IL1RAPL1: variants seen among roughly 807,000 people sequenced by gnomAD.
IL1RAPL1 encodes interleukin-1 receptor accessory protein-like 1.
In IL1RAPL1, 3 loss-of-function variants were observed where a neutral mutation model predicts 48.4. The ratio of observed to expected loss-of-function variants is 0.06; its 90% confidence interval spans 0.03 to 0.16. IL1RAPL1 has a LOEUF of 0.16. Among genes scored for constraint, IL1RAPL1 ranks in the 10% least tolerant of loss-of-function variants. The pLI is 1.00. For missense variants in IL1RAPL1, 349 were observed against 530.6 expected, an observed-to-expected ratio of 0.66 and a Z score of 3.36; for synonymous variants, 185 against 187.7, an observed-to-expected ratio of 0.99 and a Z score of 0.12.
At chrX:29,243,006 G>A (rs1239002777) in intron 2 of IL1RAPL1, among the ~76,000 whole-genome samples, 1 of 111,848 alleles carries the variant, frequency 8.9e-6, no homozygotes, top group African/African-American at 3.3e-5. Flanking sequence ...GAGGCTTATT[G>A]CTGAATGCAT....
chrX:28,917,583 T>C (rs1369153676), intron 2 of IL1RAPL1, among the ~76,000 whole-genome samples: 1 of 111,993 alleles, frequency 8.9e-6, no homozygotes, highest in Non-Finnish European at 1.9e-5. Context: ...AGATAGGCCA[T>C]GTAATTGAAC....
rs1934200272 is a variant in IL1RAPL1 at position 28,615,198 on chromosome X, T to TG, written c.-25+27152dup. On this transcript the variant is annotated intron_variant, in intron 1 of 10. Transcript: ENST00000378993. Reference sequence around the variant, plus strand: ...GCACTGCGCCTGGCCAACTGTTGTCTGTTTTTTTTTTTTTTTTTTTTTTTT... The same window carrying TG: ...GCACTGCGCCTGGCCAACTGTTGTCTGGTTTTTTTTTTTTTTTTTTTTTTTT... Among the ~76,000 whole-genome samples, 5 of 73,127 alleles carry TG rather than the reference T, an allele frequency of 6.8e-5. No homozygotes were observed. In the Admixed American group the frequency reaches 7.0e-4, roughly 10 times the overall value. The allele number at this position is 73,127 out of a possible 115,157, so 63.5% of individuals were successfully genotyped here. A position where few individuals can be genotyped will look rare whatever the true frequency, so the allele number is the denominator to read the frequency against.
intron 1 of IL1RAPL1, among the ~76,000 whole-genome samples, chrX:28,596,057 A>G (rs1265407267): frequency 1.8e-5 from 2 of 111,364 alleles, no homozygotes; most frequent in African/African-American, 6.5e-5. Context: ...CTAGGAGGCA[A>G]GTGCCTGCTG....
chrX:29,056,865 G>A (rs1927227180), intron 2 of IL1RAPL1, among the ~76,000 whole-genome samples: 1 of 112,010 alleles, frequency 8.9e-6, no homozygotes, highest in Admixed American at 9.5e-5. Flanking sequence ...TTTAAAATCT[G>A]ATACATCTGA....
intron 6 of IL1RAPL1, among the ~76,000 whole-genome samples, chrX:29,738,450 C>CTTTTTTTTTTTTTTTTTTTTTTTTTTTT (rs59952038): frequency 4.6e-5 from 4 of 86,164 alleles, no homozygotes; most frequent in African/African-American, 4.7e-5. Flanking sequence ...CTTTTCTTTT[C>CTTTTTTTTTTTTTTTTTTTTTTTTTTTT]TTTTTTTTTT....
chrX:29,687,797 A>T (rs1213413819), intron 6 of IL1RAPL1, among the ~76,000 whole-genome samples: 1 of 111,966 alleles, frequency 8.9e-6, no homozygotes, highest in Non-Finnish European at 1.9e-5. Context: ...CACTATAGGA[A>T]AAAAAACCTC....
chrX:29,077,607 A>G (rs1927705780), intron 2 of IL1RAPL1, among the ~76,000 whole-genome samples: 1 of 93,614 alleles, frequency 1.1e-5, no homozygotes, highest in African/African-American at 4.8e-5. Flanking sequence ...TGTCTCAAAA[A>G]GAAAAAAAAA....
intron 6 of IL1RAPL1, among the ~76,000 whole-genome samples, chrX:29,786,418 C>T (rs1285102144): frequency 9.0e-6 from 1 of 111,328 alleles, no homozygotes; most frequent in African/African-American, 3.3e-5. Flanking sequence ...CAGAGGGTGA[C>T]AGAGAGCTCA....
At chrX:29,094,850 A>T (rs1185025181) in intron 2 of IL1RAPL1, among the ~76,000 whole-genome samples, 1 of 105,531 alleles carries the variant, frequency 9.5e-6, no homozygotes, top group Non-Finnish European at 1.9e-5. Context: ...AAAAAAAAAA[A>T]AAAAGAAAAC....
intron 2 of IL1RAPL1, among the ~76,000 whole-genome samples, chrX:29,079,797 G>A (rs1260704066): frequency 1.8e-5 from 2 of 111,034 alleles, no homozygotes; most frequent in Admixed American, 9.6e-5. Flanking sequence ...AGAGATCCAC[G>A]GAAGTCAAGT....
chrX:28,675,629 A>G (rs563273117), intron 1 of IL1RAPL1, among the ~76,000 whole-genome samples: 2 of 112,170 alleles, frequency 1.8e-5, no homozygotes, highest in Admixed American at 1.9e-4. Context: ...TACAATATAT[A>G]TAACATTGCG....
At chrX:28,598,393 A>C (rs1418009111) in intron 1 of IL1RAPL1, among the ~76,000 whole-genome samples, 1 of 111,748 alleles carries the variant, frequency 8.9e-6, no homozygotes, top group Non-Finnish European at 1.9e-5. Flanking sequence ...TTTTTTTCCC[A>C]TACTGTATCT....
rs112496115 is a variant in IL1RAPL1 at position 28,967,071 on chromosome X, A to G, written c.82+177646A>G. Reference sequence around the variant, plus strand: ...TGACCAATGGGCAAAAGCTAGGCCAAAACAGTGACCAAACAGTTGAGCTTG... The same window carrying G: ...TGACCAATGGGCAAAAGCTAGGCCAGAACAGTGACCAAACAGTTGAGCTTG... On this transcript the variant is annotated intron_variant, in intron 2 of 10. Transcript: ENST00000378993. Among the ~76,000 whole-genome samples, 188 of 112,138 alleles carry G rather than the reference A, an allele frequency of 1.7e-3. 1 individual carries two copies. Among genetic ancestry groups the G allele is most frequent in the Middle Eastern group, 9.3e-3 (2 of 216 alleles).
intron 1 of IL1RAPL1, among the ~76,000 whole-genome samples, chrX:28,603,283 G>A (rs1347011972): frequency 9.0e-6 from 1 of 111,512 alleles, no homozygotes; most frequent in Non-Finnish European, 1.9e-5. Context: ...AATATAATGA[G>A]CTTGAACCAA....
intron 1 of IL1RAPL1, among the ~76,000 whole-genome samples, chrX:28,677,268 G>GT (rs979455153): frequency 6.3e-5 from 7 of 111,341 alleles, no homozygotes; most frequent in Non-Finnish European, 9.4e-5. Flanking sequence ...GCATATTATA[G>GT]TTTTTTCTGT....
chrX:28,792,266 C>T (rs1936546794), intron 2 of IL1RAPL1, among the ~76,000 whole-genome samples: 1 of 111,285 alleles, frequency 9.0e-6, no homozygotes, highest in Admixed American at 9.5e-5. Context: ...GGAACATATA[C>T]AATATTATAT....
At chrX:28,629,948 A>G (rs370492443) in intron 1 of IL1RAPL1, among the ~76,000 whole-genome samples, 1 of 111,871 alleles carries the variant, frequency 8.9e-6, no homozygotes, top group East Asian at 2.8e-4. Context: ...TAATATTACA[A>G]ATAAACTTTA....
chrX:29,198,594 A>G (rs1021057760), intron 2 of IL1RAPL1, among the ~76,000 whole-genome samples: 2 of 111,522 alleles, frequency 1.8e-5, no homozygotes, highest in East Asian at 5.6e-4. Flanking sequence ...GCGCCCAGCC[A>G]GATTTTAGAG....
At chrX:29,603,157 T>C (rs1244148317) in intron 5 of IL1RAPL1, among the ~76,000 whole-genome samples, 1 of 108,519 alleles carries the variant, frequency 9.2e-6, no homozygotes, top group Non-Finnish European at 1.9e-5. Flanking sequence ...TCCCAGCTAC[T>C]CAGGAGTCTG....
Sources: gnomAD v4.1 joint callset for allele counts (sites outside exome capture counted in the v4.1 genomes callset) on GRCh38, gnomAD v4.1.1 for gene constraint, MANE v1.5 for transcripts, NCBI Gene and HGNC (gene_info 2026-07-23, HGNC 2026-07-21) for gene names.